MEGF10: variants seen among roughly 807,000 people sequenced by gnomAD.
MEGF10 encodes multiple epidermal growth factor-like domains protein 10.
Under a neutral mutation model 147.5 loss-of-function variants are expected in MEGF10, and 86 were observed. The observed-to-expected ratio is 0.58, with a 90% CI of 0.49 to 0.70. The LOEUF (loss-of-function observed/expected upper bound fraction) is 0.70, where lower values mean the gene tolerates loss of function less well. MEGF10 is among the 30% of genes least tolerant of loss of function. MEGF10 has a pLI of 0.00. For missense variants in MEGF10, 1,329 were observed against 1,487.3 expected, an observed-to-expected ratio of 0.89 and a Z score of 1.75; for synonymous variants, 478 against 525.5, an observed-to-expected ratio of 0.91 and a Z score of 1.24.
chr5:127,377,130 T>C (rs1763060566), intron 5 of MEGF10, among the ~76,000 whole-genome samples: 1 of 152,228 alleles, frequency 6.6e-6, no homozygotes, highest in South Asian at 2.1e-4. Context: ...ATTCTATTTA[T>C]GATCCTTTTC....
intron 2 of MEGF10, among the ~76,000 whole-genome samples, chr5:127,332,634 T>C (rs1761308062): frequency 6.6e-6 from 1 of 152,186 alleles, no homozygotes; most frequent in Admixed American, 6.6e-5. Flanking sequence ...AACTTTAAGC[T>C]GCAGAGAGAA....
the MEGF10 span, among the ~76,000 whole-genome samples, chr5:127,282,166 C>G: frequency 1.3e-5 from 2 of 152,176 alleles, no homozygotes. Flanking sequence ...GCTTCCCCCT[C>G]CATTTTTACT....
intron 9 of MEGF10, among the ~76,000 whole-genome samples, chr5:127,411,190 C>T (rs1457843664): frequency 3.3e-5 from 5 of 152,174 alleles, no homozygotes; most frequent in African/African-American, 4.8e-5. Context: ...AATTTGAGAA[C>T]AGGAAACCAC....
chr5:127,442,800 C>T (rs1353926922), intron 18 of MEGF10, among the ~76,000 whole-genome samples, 198 bp from the exon 19 acceptor site: 1 of 152,094 alleles, frequency 6.6e-6, no homozygotes, highest in Non-Finnish European at 1.5e-5. Context: ...TGTCTCTAGC[C>T]CTGTGCAGTC....
chr5:127,391,137 CACACACACACACACACATACAT>C (rs1232174002), intron 5 of MEGF10, among the ~76,000 whole-genome samples: 8,080 of 125,852 alleles, frequency 0.064, 405 homozygotes, highest in Non-Finnish European at 0.093. Flanking sequence ...CACACACACA[CACACACACACACACACATACAT>C]GCTTATTTCT....
At chr5:127,330,759 T>C (rs965589081) in intron 1 of MEGF10, among the ~76,000 whole-genome samples, 19 of 152,302 alleles carry the variant, frequency 1.2e-4, no homozygotes, top group African/African-American at 4.6e-4. Flanking sequence ...GGTTCTGTGT[T>C]TTATATCCAG....
chr5:127,342,983 C>T (rs542523987), intron 4 of MEGF10, among the ~76,000 whole-genome samples: 4 of 152,210 alleles, frequency 2.6e-5, no homozygotes, highest in African/African-American at 7.2e-5. Context: ...ACCCCCACCC[C>T]GCCCAACAAT....
chr5:127,244,291 A>G, the MEGF10 span, among the ~76,000 whole-genome samples: 1 of 151,700 alleles, frequency 6.6e-6, no homozygotes, highest in Non-Finnish European at 1.5e-5. Context: ...GAAAGATGAA[A>G]GCAAAAGAAA....
intron 4 of MEGF10, among the ~76,000 whole-genome samples, chr5:127,366,865 T>C: frequency 6.6e-6 from 1 of 152,210 alleles, no homozygotes; most frequent in South Asian, 2.1e-4. Flanking sequence ...AGAAATTTAC[T>C]TATTATCTTT....
At chr5:127,232,343 T>C in the MEGF10 span, among the ~76,000 whole-genome samples, 1 of 152,230 alleles carries the variant, frequency 6.6e-6, no homozygotes, top group Non-Finnish European at 1.5e-5. Context: ...GCTTAAATTT[T>C]ACATAAGTAG....
intron 5 of MEGF10, among the ~76,000 whole-genome samples, chr5:127,389,105 G>C (rs1370933257): frequency 6.6e-6 from 1 of 152,154 alleles, no homozygotes; most frequent in East Asian, 1.9e-4. Flanking sequence ...TTGACCTTTT[G>C]TATGCAGAAA....
the MEGF10 span, among the ~76,000 whole-genome samples, chr5:127,239,473 T>TA: frequency 8.5e-3 from 1,211 of 142,694 alleles, 26 homozygotes; most frequent in African/African-American, 0.027. Context: ...TATATATATA[T>TA]ATAATATATA....
intron 19 of MEGF10, chr5:127,444,834 C>T (rs1283346443): frequency 2.0e-5 from 3 of 152,708 alleles, no homozygotes; most frequent in Admixed American, 2.0e-4. Flanking sequence ...TGTTCTTAGA[C>T]TAGATTTATA....
intron 4 of MEGF10, among the ~76,000 whole-genome samples, chr5:127,369,124 T>C (rs1762758062): frequency 1.3e-5 from 2 of 152,186 alleles, no homozygotes; most frequent in Non-Finnish European, 2.9e-5. Context: ...ACCCTTTAAG[T>C]CGTTCTCACA....
At chr5:127,387,483 T>A (rs139929165) in intron 5 of MEGF10, among the ~76,000 whole-genome samples, 62 of 152,342 alleles carry the variant, frequency 4.1e-4, no homozygotes, top group African/African-American at 1.4e-3. Flanking sequence ...AGATAAACAG[T>A]TGTGAGACAT....
intron 1 of MEGF10, among the ~76,000 whole-genome samples, chr5:127,322,410 C>T (rs577907178): frequency 6.6e-6 from 1 of 152,180 alleles, no homozygotes; most frequent in African/African-American, 2.4e-5. Context: ...ACTGCTCCAT[C>T]TACCCAGCAA....
chr5:127,236,031 G>T, the MEGF10 span, among the ~76,000 whole-genome samples: 2 of 152,094 alleles, frequency 1.3e-5, no homozygotes, highest in East Asian at 1.9e-4. Context: ...GGAGTACAGG[G>T]GTGCGATCTC....
In MEGF10 at chr5:127,454,618, G is replaced by A; in HGVS notation, c.3025+8G>A. ...TGGGAAAATCCTTAAAAGGTATCATGTAAATTTGAAGAAGAAATCAGAAGC... is the reference window on the plus strand; with the variant it reads ...TGGGAAAATCCTTAAAAGGTATCATATAAATTTGAAGAAGAAATCAGAAGC... On this transcript the variant is annotated splice_region_variant and intron_variant, in intron 23 of 24. Coordinates refer to ENST00000503335, the MANE Select transcript of MEGF10 (RefSeq NM_001256545.2). 6.2e-7 allele frequency: 1 copy of A among 1,604,296 alleles called. No homozygotes were observed. Among genetic ancestry groups the A allele is most frequent in the Non-Finnish European group, 8.5e-7 (1 of 1,176,346 alleles).
At chr5:127,355,728 G>A (rs1438023107) in intron 4 of MEGF10, among the ~76,000 whole-genome samples, 1 of 152,184 alleles carries the variant, frequency 6.6e-6, no homozygotes, top group Non-Finnish European at 1.5e-5. Flanking sequence ...TTTACTGATT[G>A]ACAATGCTTG....
Sources: gnomAD v4.1 joint callset for allele counts (sites outside exome capture counted in the v4.1 genomes callset) on GRCh38, gnomAD v4.1.1 for gene constraint, MANE v1.5 for transcripts, NCBI Gene and HGNC (gene_info 2026-07-23, HGNC 2026-07-21) for gene names.